The following RORA variants were observed in gnomAD, a reference collection of about 807,000 sequenced individuals.
RORA encodes the protein RAR related orphan receptor A.
Under a neutral mutation model 69.5 loss-of-function variants are expected in RORA, and 7 were observed. That is an observed-to-expected ratio of 0.10 (90% CI 0.06 to 0.19). RORA has a LOEUF of 0.19. RORA is among the 10% of genes least tolerant of loss of function. The pLI, the probability that RORA is intolerant of heterozygous loss-of-function variation, is 1.00. For missense variants in RORA, 457 were observed against 663.0 expected (o/e 0.69, Z 3.41); for synonymous variants, 261 against 240.8 (o/e 1.08, Z -0.78).
At chr15:60,876,730 G>A (rs1454207779) in intron 1 of RORA, among the ~76,000 whole-genome samples, 2 of 152,134 alleles carry the variant, frequency 1.3e-5, no homozygotes, top group African/African-American at 2.4e-5. Context: ...CTTAATACAG[G>A]TGTATGGGAC....
chr15:60,853,456 G>T (rs994964618), intron 1 of RORA, among the ~76,000 whole-genome samples: 1 of 152,160 alleles, frequency 6.6e-6, no homozygotes, highest in Admixed American at 6.5e-5. Context: ...GGCATAAAAC[G>T]AGAAGTTTCC....
intron 2 of RORA, chr15:60,614,842 T>G: frequency 7.0e-7 from 1 of 1,434,750 alleles, no homozygotes; most frequent in African/African-American, 1.4e-5. Flanking sequence ...GACACTGACA[T>G]GCTTACATAC....
intron 1 of RORA, among the ~76,000 whole-genome samples, chr15:60,723,245 AT>A (rs1184276666): frequency 6.6e-6 from 1 of 152,186 alleles, no homozygotes; most frequent in African/African-American, 2.4e-5. Context: ...ATAAAGTTTT[AT>A]TTTAGCAATA....
chr15:61,088,109 G>A (rs572063284), intron 1 of RORA, among the ~76,000 whole-genome samples: 2 of 152,312 alleles, frequency 1.3e-5, no homozygotes, highest in African/African-American at 4.8e-5. Context: ...TCTGAGACAA[G>A]GCCCTTGACC....
intron 2 of RORA, among the ~76,000 whole-genome samples, chr15:60,600,377 T>C (rs2068784757): frequency 6.6e-6 from 1 of 152,198 alleles, no homozygotes; most frequent in African/African-American, 2.4e-5. Flanking sequence ...GAAATACTCA[T>C]TTTATAACTA....
At position 60,595,043 on chromosome 15, in the gene RORA, TTA is replaced by T. The variant is rs1439401360; in HGVS notation, c.197-63194_197-63193del. 5.3e-5 allele frequency among the ~76,000 whole-genome samples: 8 copies of T among 152,182 alleles called. No individual in the cohort carries two copies. In the East Asian group the frequency reaches 1.5e-3, roughly 29 times the overall value. On this transcript the variant is annotated intron_variant, in intron 2 of 10. Coordinates refer to ENST00000335670, the MANE Select transcript of RORA (RefSeq NM_134261.3). ...AAAAACTATAGGCTGTTTTTTTTTT[TTA>T]ACCACTCAAAATGCACATTTTCTAT...
intron 2 of RORA, among the ~76,000 whole-genome samples, chr15:60,631,206 T>C (rs2069730106): frequency 6.6e-6 from 1 of 152,180 alleles, no homozygotes; most frequent in Non-Finnish European, 1.5e-5. Context: ...TGAGACTTTC[T>C]AACCCAGCTT....
chr15:61,024,534 T>C (rs1895704084), intron 1 of RORA, among the ~76,000 whole-genome samples: 1 of 150,140 alleles, frequency 6.7e-6, no homozygotes, highest in Admixed American at 6.7e-5. Flanking sequence ...CATTGTAACC[T>C]CCACCTCCTG....
intron 2 of RORA, chr15:60,627,441 G>A: frequency 3.1e-6 from 5 of 1,599,356 alleles, no homozygotes; most frequent in East Asian, 4.5e-5. Context: ...GTACTATGGA[G>A]TCCAAGGTGA....
At chr15:60,657,860 T>G (rs978403811) in intron 2 of RORA, among the ~76,000 whole-genome samples, 1 of 152,218 alleles carries the variant, frequency 6.6e-6, no homozygotes, top group East Asian at 1.9e-4. Flanking sequence ...CCTTCACTGC[T>G]CTTCAGGTTC....
At chr15:61,225,659 T>G (rs1245518858) in intron 1 of RORA, among the ~76,000 whole-genome samples, 1 of 152,224 alleles carries the variant, frequency 6.6e-6, no homozygotes, top group Non-Finnish European at 1.5e-5. Context: ...CCAAACCAAC[T>G]GTGTGGTGGT....
In RORA at chr15:60,897,455, G is replaced by T. The variant is rs1365341202; in HGVS notation, c.167-218769C>A. Among the ~76,000 whole-genome samples the T allele has an allele frequency of 3.3e-5, 5 of 152,196 alleles. No homozygotes were observed. In the East Asian group the frequency reaches 9.6e-4, roughly 29 times the overall value. On this transcript the variant is annotated intron_variant, in intron 1 of 10. Coordinates refer to ENST00000335670, the MANE Select transcript of RORA (RefSeq NM_134261.3). ...AGAGGAAGAGGGGTGTAAATACGAG[G>T]TAAATATGTAAAGAAAAGCATGAAC...
Position 60,496,758 on chromosome 15 carries a change from C to T in RORA, c.*697G>A, listed in dbSNP as rs2065177438. On this transcript the variant is annotated 3_prime_UTR_variant, in exon 11 of 11. Transcript: ENST00000335670. The surrounding 1 kb of genome is among the most constrained non-coding windows in gnomAD (Gnocchi z 4.5). Reference sequence around the variant, plus strand: ...GGTGCACATGCGACACGACAGTGAACACGCTAGCATTTAATTTAAAGAAAA... The same window carrying T: ...GGTGCACATGCGACACGACAGTGAATACGCTAGCATTTAATTTAAAGAAAA... 1 of 152,194 alleles carries T rather than the reference C, an allele frequency of 6.6e-6. No individual in the cohort carries two copies. Among genetic ancestry groups the T allele is most frequent in the South Asian group, 2.1e-4 (1 of 4,834 alleles). The allele number at this position is 152,194 out of a possible 1,614,324, so 9.4% of individuals were successfully genotyped here.
intron 1 of RORA, among the ~76,000 whole-genome samples, chr15:61,098,207 TCTTCCCTCCCTCCTTC>T (rs1215434219): frequency 7.7e-6 from 1 of 129,972 alleles, no homozygotes; most frequent in Admixed American, 7.6e-5. Flanking sequence ...CTTCCTTCCT[TCTTCCCTCCCTCCTTC>T]CTTCCCTCTC....
chr15:61,044,557 G>A (rs1398844287), intron 1 of RORA, among the ~76,000 whole-genome samples: 2 of 152,192 alleles, frequency 1.3e-5, no homozygotes, highest in Admixed American at 1.3e-4. Context: ...CATTAAAATT[G>A]TACTATTTTG....
intron 1 of RORA, among the ~76,000 whole-genome samples, chr15:60,757,572 T>C (rs1422019576): frequency 6.6e-6 from 1 of 152,228 alleles, no homozygotes. Context: ...TGACCAACCA[T>C]GCTACAGTGC....
intron 1 of RORA, among the ~76,000 whole-genome samples, chr15:60,929,483 G>T (rs11634318): frequency 0.048 from 7,287 of 152,244 alleles, 206 homozygotes; most frequent in Middle Eastern, 0.075. Flanking sequence ...CATCCTCCTG[G>T]TTCTGCAAAA....
intron 1 of RORA, among the ~76,000 whole-genome samples, chr15:60,913,371 C>A (rs1265744962): frequency 6.6e-6 from 1 of 152,240 alleles, no homozygotes; most frequent in Admixed American, 6.5e-5. Flanking sequence ...AGCCCCTCCA[C>A]CCCAGCCTCC....
intron 1 of RORA, among the ~76,000 whole-genome samples, chr15:61,187,566 T>G (rs1229521185): frequency 6.6e-6 from 1 of 152,230 alleles, no homozygotes; most frequent in African/African-American, 2.4e-5. Flanking sequence ...GGCCTCTGCA[T>G]AACAGCCTCT....
Sources: allele counts gnomAD v4.1 joint callset (sites outside exome capture counted in the v4.1 genomes callset), GRCh38; gene constraint gnomAD v4.1.1; non-coding constraint Gnocchi (gnomAD v3.1); transcripts MANE v1.5; gene names NCBI Gene and HGNC (gene_info 2026-07-23, HGNC 2026-07-21).